CRIM1: variants seen among roughly 807,000 people sequenced by gnomAD.
CRIM1 encodes the protein cysteine rich transmembrane BMP regulator 1, also known as cysteine-rich motor neuron 1 protein.
A neutral mutation model predicts 116.4 loss-of-function variants in CRIM1; 32 were observed. The ratio of observed to expected loss-of-function variants is 0.27; its 90% CI spans 0.21 to 0.37. The LOEUF (loss-of-function observed/expected upper bound fraction) is 0.37, where lower values mean the gene tolerates loss of function less well. CRIM1 is among the 10% of genes least tolerant of loss of function. The pLI is 1.00. For synonymous variants in CRIM1, 590 were observed against 509.2 expected (o/e 1.16, Z -2.13); for missense variants, 1,331 against 1,354.8 (o/e 0.98, Z 0.28).
chr2:36,443,617 T>G (rs541464640), intron 4 of CRIM1, among the ~76,000 whole-genome samples: 1 of 152,302 alleles, frequency 6.6e-6, no homozygotes, highest in African/African-American at 2.4e-5. Flanking sequence ...AACCTCTTCT[T>G]CCTCAGTCCC....
At chr2:36,513,902 AACC>A (rs1664864726) in intron 11 of CRIM1, 137 bp downstream of exon 11, 4 of 692,404 alleles carry the variant, frequency 5.8e-6, no homozygotes, top group Non-Finnish European at 9.8e-6. Flanking sequence ...GGTTTTTGTC[AACC>A]ACCACCACAG....
At chr2:36,440,267 T>C (rs1036360083) in intron 2 of CRIM1, among the ~76,000 whole-genome samples, 4 of 152,242 alleles carry the variant, frequency 2.6e-5, no homozygotes, top group Non-Finnish European at 5.9e-5. Flanking sequence ...CTTATCCTAC[T>C]ACCCAATTCT....
rs1184633652 is a variant in CRIM1 at position 36,464,456 on chromosome 2, G to A, written c.870-78G>A. ...GACCAGGTACTTTGCCACAGCCACT[G>A]CCACTTTGTTTGTGGTCTCCCGACT... On this transcript the variant is annotated intron_variant, in intron 4 of 16. Transcript: ENST00000280527. 7 of 1,534,650 alleles carry A rather than the reference G, an allele frequency of 4.6e-6. No homozygotes were observed. In the East Asian group the frequency reaches 1.6e-4, roughly 35 times the overall value.
At chr2:36,481,123 A>G (rs1393460808) in intron 7 of CRIM1, among the ~76,000 whole-genome samples, 1 of 152,256 alleles carries the variant, frequency 6.6e-6, no homozygotes, top group Admixed American at 6.5e-5. Context: ...CATGGGTCTT[A>G]TGTCATAAAT....
At chr2:36,512,159 G>C (rs540765678) in intron 9 of CRIM1, 114 bp from the exon 10 acceptor site, 2 of 1,277,374 alleles carry the variant, frequency 1.6e-6, no homozygotes, top group Non-Finnish European at 2.2e-6. Flanking sequence ...GAGAGCAAAA[G>C]TCAAGTCATT....
At chr2:36,538,214 C>T (rs1666692286) in intron 14 of CRIM1, among the ~76,000 whole-genome samples, 2 of 152,168 alleles carry the variant, frequency 1.3e-5, no homozygotes, top group South Asian at 4.1e-4. Flanking sequence ...TCTCAGCTGC[C>T]CAGAGCCTCA....
At chr2:36,382,145 A>T (rs574688024) in intron 1 of CRIM1, among the ~76,000 whole-genome samples, 1 of 152,334 alleles carries the variant, frequency 6.6e-6, no homozygotes, top group East Asian at 1.9e-4. Flanking sequence ...CAGAATCAGG[A>T]TGCAGAACCA....
chr2:36,442,535 A>G (rs1470829617), intron 3 of CRIM1, 80 bp from the exon 4 acceptor site: 1 of 1,557,222 alleles, frequency 6.4e-7, no homozygotes, highest in African/African-American at 1.4e-5. Flanking sequence ...GACATTTGTC[A>G]AGAGCTAGTA....
chr2:36,470,716 C>T (rs190968268), intron 5 of CRIM1, among the ~76,000 whole-genome samples: 37 of 152,310 alleles, frequency 2.4e-4, no homozygotes, highest in African/African-American at 8.7e-4. Context: ...GTGTTGTTTT[C>T]GTGCCTAACA....
At chr2:36,392,588 G>C (rs930732347) in intron 1 of CRIM1, among the ~76,000 whole-genome samples, 1 of 152,150 alleles carries the variant, frequency 6.6e-6, no homozygotes, top group South Asian at 2.1e-4. Context: ...GCTGTTAGCA[G>C]AACTCTTGGG....
intron 2 of CRIM1, among the ~76,000 whole-genome samples, chr2:36,438,483 C>T (rs1675514109): frequency 1.3e-5 from 2 of 152,202 alleles, no homozygotes; most frequent in Non-Finnish European, 2.9e-5. Context: ...TTCTCCTCCA[C>T]ACTGATGGGG....
rs148963993 is a variant in CRIM1 at position 36,457,109 on chromosome 2, G to A, written c.870-7425G>A. On this transcript the variant is annotated intron_variant, in intron 4 of 16. Transcript: ENST00000280527. ...GGCTGCTTTATTATTATTACCAGTA[G>A]TAGGAAGGCAAGGGAATATTTTATT... 4.9e-3 allele frequency among the ~76,000 whole-genome samples: 750 copies of A among 152,152 alleles called. 6 individuals carry two copies. The highest frequency in any genetic ancestry group is 0.017 in the African/African-American group (703 of 41,544).
At chr2:36,406,614 T>A (rs1328007500) in intron 2 of CRIM1, among the ~76,000 whole-genome samples, 1 of 122,580 alleles carries the variant, frequency 8.2e-6, no homozygotes, top group Non-Finnish European at 1.6e-5. Flanking sequence ...CTGCTAATAT[T>A]TGACCCCTCC....
At position 36,499,644 on chromosome 2, in the gene CRIM1, A is replaced by G. The variant is rs551402366; in HGVS notation, c.1501+297A>G. On this transcript the variant is annotated intron_variant, in intron 8 of 16. Coordinates refer to ENST00000280527, the MANE Select transcript of CRIM1 (RefSeq NM_016441.3). ...ACCCAGAACGCTCTCCCTTTAGTAC[A>G]CTTGCCAGGTCATCCAGTGACAAGG... Among the ~76,000 whole-genome samples the G allele has an allele frequency of 4.5e-4, 69 of 152,014 alleles. No homozygotes were observed. The South Asian group carries it at 0.013, about 28-fold the overall frequency.
intron 13 of CRIM1, 106 bp downstream of exon 13, chr2:36,522,419 C>G (rs903972738): frequency 2.4e-5 from 20 of 847,688 alleles, no homozygotes; most frequent in Non-Finnish European, 3.7e-5. Flanking sequence ...GGTTTTTTCC[C>G]TGCTTGACAT....
chr2:36,472,647 G>GT (rs1678622667), intron 5 of CRIM1, among the ~76,000 whole-genome samples: 1 of 152,136 alleles, frequency 6.6e-6, no homozygotes, highest in African/African-American at 2.4e-5. Flanking sequence ...ATGCACCAGG[G>GT]TTGTGGCTTC....
intron 7 of CRIM1, among the ~76,000 whole-genome samples, chr2:36,483,188 T>A (rs11885395): frequency 0.086 from 13,103 of 152,264 alleles, 750 homozygotes; most frequent in Non-Finnish European, 0.13. Flanking sequence ...TCTCATTATT[T>A]TTATTTTCTG....
rs577061718 is a variant in CRIM1 at position 36,388,330 on chromosome 2, TGACTTTGTTTTCA to T, written c.332-8283_332-8271del. Reference sequence around the variant, plus strand: ...CTTTGGCTTGCCTTACTCTACATAGTGACTTTGTTTTCAAAACAAAGTCTAATTGGTCTGATAA... The same window carrying T: ...CTTTGGCTTGCCTTACTCTACATAGTAAACAAAGTCTAATTGGTCTGATAA... On this transcript the variant is annotated intron_variant, in intron 1 of 16. Transcript: ENST00000280527. Among the ~76,000 whole-genome samples, 631 of 152,326 alleles carry T rather than the reference TGACTTTGTTTTCA, an allele frequency of 4.1e-3. 1 individual carries two copies. Among genetic ancestry groups the T allele is most frequent in the Non-Finnish European group, 7.2e-3 (493 of 68,022 alleles).
intron 14 of CRIM1, among the ~76,000 whole-genome samples, chr2:36,541,305 T>G (rs10084464): frequency 0.29 from 43,644 of 151,928 alleles, 6,412 homozygotes; most frequent in Middle Eastern, 0.44. Flanking sequence ...ACCTTGCTTC[T>G]TCCTTTAGAC....
Sources: gnomAD v4.1 joint callset for allele counts (sites outside exome capture counted in the v4.1 genomes callset) on GRCh38, gnomAD v4.1.1 for gene constraint, MANE v1.5 for transcripts, NCBI Gene and HGNC (gene_info 2026-07-23, HGNC 2026-07-21) for gene names.